GALNT14: variants seen among roughly 807,000 people sequenced by gnomAD.
GALNT14 encodes polypeptide N-acetylgalactosaminyltransferase 14.
A neutral mutation model predicts 77.5 loss-of-function variants in GALNT14; 60 were observed. That is an observed-to-expected ratio of 0.77 (90% CI 0.63 to 0.96). The LOEUF is 0.96. Ranked by LOEUF, GALNT14 falls within the 40% of genes least tolerant of loss-of-function variation. The probability of loss-of-function intolerance (pLI) is 0.00; values close to 1 mark genes in which losing one functional copy is unlikely to be tolerated. For synonymous variants in GALNT14, 280 were observed against 281.7 expected (o/e 0.99, Z 0.06); for missense variants, 710 against 731.0 (o/e 0.97, Z 0.33).
chr2:31,088,895 A>G (rs1452528154), intron 1 of GALNT14, among the ~76,000 whole-genome samples: 1 of 152,166 alleles, frequency 6.6e-6, no homozygotes, highest in African/African-American at 2.4e-5. Flanking sequence ...GCTTTAGATA[A>G]GAGGAGGGCT....
intron 2 of GALNT14, among the ~76,000 whole-genome samples, chr2:30,975,895 A>C (rs1256451638): frequency 6.6e-6 from 1 of 152,242 alleles, no homozygotes; most frequent in Non-Finnish European, 1.5e-5. Flanking sequence ...GTATTTAAAC[A>C]CCAGAAAAGG....
chr2:30,937,455 C>G (rs1666122976), intron 9 of GALNT14, among the ~76,000 whole-genome samples: 1 of 152,336 alleles, frequency 6.6e-6, no homozygotes, highest in East Asian at 1.9e-4. Context: ...GATGAATCCA[C>G]TTTCAAGCCC....
rs547052626 is a variant in GALNT14 at position 31,138,393 on chromosome 2, T to TGCCGCC, written c.-313_-308dup. On this transcript the variant is annotated 5_prime_UTR_variant, in exon 1 of 15. Transcript: ENST00000349752. ...ATGTTCCCCACGCCGCCACCGCGGC[T>TGCCGCC]GCCGCCGCCGCCGCCGCCGCCTTGC... The TGCCGCC allele has an allele frequency of 0.022, 7,469 of 339,650 alleles. 172 individuals carry two copies. Among genetic ancestry groups the TGCCGCC allele is most frequent in the African/African-American group, 0.052 (2,350 of 45,182 alleles). The allele number at this position is 339,650 out of a possible 1,614,324, so 21.0% of individuals were successfully genotyped here. A position where few individuals can be genotyped will look rare whatever the true frequency, so the allele number is the denominator to read the frequency against.
At chr2:30,953,471 G>A (rs1667166357) in intron 6 of GALNT14, among the ~76,000 whole-genome samples, 1 of 151,992 alleles carries the variant, frequency 6.6e-6, no homozygotes, top group Non-Finnish European at 1.5e-5. Flanking sequence ...ACCACACTCA[G>A]CTAATTTTTT....
rs1439260491 is a variant in GALNT14 at position 31,138,171 on chromosome 2, C to A, written c.-85G>T. 2 of 1,568,296 alleles carry A rather than the reference C, an allele frequency of 1.3e-6. No individual in the cohort carries two copies. The highest frequency in any genetic ancestry group is 1.7e-6 in the Non-Finnish European group (2 of 1,144,998). Reference sequence around the variant, plus strand: ...AGGGTTGGCGGGGCAGGAGTCCTGGCGAGCGCCTCGCTCTGGGGAGCTCTA... The same window carrying A: ...AGGGTTGGCGGGGCAGGAGTCCTGGAGAGCGCCTCGCTCTGGGGAGCTCTA... On this transcript the variant is annotated 5_prime_UTR_variant, in exon 1 of 15. Transcript: ENST00000349752.
intron 1 of GALNT14, among the ~76,000 whole-genome samples, chr2:31,118,669 C>T (rs970615660): frequency 2.0e-5 from 3 of 152,044 alleles, no homozygotes; most frequent in Admixed American, 6.6e-5. Flanking sequence ...TATACTGCCA[C>T]GGCATTTAAT....
chr2:30,939,530 C>T (rs564478597), intron 9 of GALNT14, among the ~76,000 whole-genome samples: 1 of 152,158 alleles, frequency 6.6e-6, no homozygotes, highest in African/African-American at 2.4e-5. Flanking sequence ...GAGTGTGAGT[C>T]TCCCCTTAGG....
At chr2:31,069,679 C>T (rs995365396) in intron 1 of GALNT14, among the ~76,000 whole-genome samples, 2 of 152,200 alleles carry the variant, frequency 1.3e-5, no homozygotes, top group Non-Finnish European at 2.9e-5. Context: ...GCAGCAGGGC[C>T]TGAGCTTCCT....
At chr2:30,994,629 C>A (rs775960173) in intron 1 of GALNT14, among the ~76,000 whole-genome samples, 8 of 152,116 alleles carry the variant, frequency 5.3e-5, no homozygotes, top group Non-Finnish European at 1.0e-4. Context: ...AAACCCCCAG[C>A]CTGTGTTTTG....
At chr2:31,119,747 A>G (rs1407149765) in intron 1 of GALNT14, among the ~76,000 whole-genome samples, 1 of 152,258 alleles carries the variant, frequency 6.6e-6, no homozygotes, top group African/African-American at 2.4e-5. Flanking sequence ...TACATAGATT[A>G]TTTCAGCTCT....
At chr2:30,905,637 G>A (rs1429488573), downstream of GALNT14, among the ~76,000 whole-genome samples, 1 of 151,870 alleles carries the variant, frequency 6.6e-6, no homozygotes, top group Non-Finnish European at 1.5e-5. Flanking sequence ...AAAACACTCT[G>A]CAGGATATTA....
intron 1 of GALNT14, among the ~76,000 whole-genome samples, chr2:31,025,510 G>C (rs1671985325): frequency 6.6e-6 from 1 of 152,216 alleles, no homozygotes; most frequent in Non-Finnish European, 1.5e-5. Context: ...ACTGACTGGA[G>C]AATGACAAGA....
intron 1 of GALNT14, among the ~76,000 whole-genome samples, chr2:31,068,023 C>T (rs2148556546): frequency 6.6e-6 from 1 of 152,248 alleles, no homozygotes; most frequent in Admixed American, 6.5e-5. Flanking sequence ...TCAGGAGCCA[C>T]CCCTTCCTCC....
At chr2:30,971,376 G>T (rs1340921121) in intron 2 of GALNT14, among the ~76,000 whole-genome samples, 1 of 152,022 alleles carries the variant, frequency 6.6e-6, no homozygotes, top group Non-Finnish European at 1.5e-5. Flanking sequence ...CGGGGTGTGG[G>T]GGACACCGAA....
At chr2:31,129,068 A>G (rs1678845660) in intron 1 of GALNT14, among the ~76,000 whole-genome samples, 1 of 152,206 alleles carries the variant, frequency 6.6e-6, no homozygotes, top group South Asian at 2.1e-4. Flanking sequence ...GAAAACAAAC[A>G]TATAACATAC....
Position 30,910,710 on chromosome 2 carries a change from T to G in GALNT14, c.*191A>C. 4.3e-5 allele frequency: 24 copies of G among 563,934 alleles called. No homozygotes were observed. Among genetic ancestry groups the G allele is most frequent in the East Asian group, 9.3e-5 (3 of 32,214 alleles). The allele number at this position is 563,934 out of a possible 1,614,324, so 34.9% of individuals were successfully genotyped here. A position where few individuals can be genotyped will look rare whatever the true frequency, so the allele number is the denominator to read the frequency against. On this transcript the variant is annotated 3_prime_UTR_variant, in exon 15 of 15. Coordinates refer to ENST00000349752, the MANE Select transcript of GALNT14 (RefSeq NM_024572.4). ...CTTGAGAACATGTGGGATTTGTCTT[T>G]GAGCCCCATTGGCTTGTGATGTTTT...
chr2:30,891,306 G>A, the GALNT14 span, among the ~76,000 whole-genome samples: 1 of 152,174 alleles, frequency 6.6e-6, no homozygotes, highest in Admixed American at 6.5e-5. Context: ...TGCTGTGTGA[G>A]TGCCTGTGCT....
At chr2:30,895,310 GAGTA>G in the GALNT14 span, among the ~76,000 whole-genome samples, 1 of 150,622 alleles carries the variant, frequency 6.6e-6, no homozygotes, top group South Asian at 2.1e-4. Flanking sequence ...GCAGGTAATG[GAGTA>G]AGTGTTAAGA....
chr2:30,988,734 G>C (rs924534446), intron 2 of GALNT14, among the ~76,000 whole-genome samples: 1 of 152,192 alleles, frequency 6.6e-6, no homozygotes, highest in East Asian at 1.9e-4. Context: ...GCCGGCATCA[G>C]AATCACCTGT....
Sources: allele counts gnomAD v4.1 joint callset (sites outside exome capture counted in the v4.1 genomes callset), GRCh38; gene constraint gnomAD v4.1.1; transcripts MANE v1.5; gene names NCBI Gene and HGNC (gene_info 2026-07-23, HGNC 2026-07-21).